CRADD: variants seen among roughly 807,000 people sequenced by gnomAD.
The protein encoded by CRADD is CARD and death domain containing adaptor protein, also known as death domain-containing protein CRADD.
In CRADD, 9 loss-of-function variants were observed where a neutral mutation model predicts 15.5. That is an observed-to-expected ratio of 0.58 (90% CI 0.35 to 1.01). The LOEUF (loss-of-function observed/expected upper bound fraction) is 1.01. CRADD is among the 50% of genes least tolerant of loss of function. The pLI, the probability that CRADD is intolerant of heterozygous loss-of-function variation, is 0.02. For missense variants in CRADD, 227 were observed against 250.3 expected, an observed-to-expected ratio of 0.91 and a Z score of 0.63; for synonymous variants, 118 against 107.6, an observed-to-expected ratio of 1.10 and a Z score of -0.60.
chr12:93,862,920 A>G (rs181114607), intron 2 of CRADD, among the ~76,000 whole-genome samples: 23 of 152,356 alleles, frequency 1.5e-4, no homozygotes, highest in Non-Finnish European at 2.5e-4. Context: ...TTAAAAAGGT[A>G]TGAACAGTAT....
intron 2 of CRADD, among the ~76,000 whole-genome samples, chr12:93,797,331 A>G (rs1030381654): frequency 6.6e-6 from 1 of 152,146 alleles, no homozygotes; most frequent in Non-Finnish European, 1.5e-5. Flanking sequence ...TGGTCTCCAG[A>G]CTTTTCTGTG....
At chr12:93,791,613 G>A (rs1957350313) in intron 2 of CRADD, among the ~76,000 whole-genome samples, 1 of 152,066 alleles carries the variant, frequency 6.6e-6, no homozygotes, top group Non-Finnish European at 1.5e-5. Context: ...GTACAGCATG[G>A]CAACTGTAGT....
rs1038483314 is a variant in CRADD at position 93,829,426 on chromosome 12, C to A, written c.299-20544C>A. Among the ~76,000 whole-genome samples the A allele has an allele frequency of 4.6e-5, 7 of 152,202 alleles. No individual in the cohort carries two copies. The East Asian group carries it at 9.7e-4, about 21-fold the overall frequency. ...AGCTCAGTGACTGGGCTTTCTCATG[C>A]GTGGTAGGAGAGTGGATGCTGGGGG... On this transcript the variant is annotated intron_variant, in intron 2 of 2. Coordinates refer to ENST00000332896, the MANE Select transcript of CRADD (RefSeq NM_003805.5).
intron 2 of CRADD, among the ~76,000 whole-genome samples, chr12:93,847,401 T>C (rs896907439): frequency 6.8e-6 from 1 of 147,848 alleles, no homozygotes; most frequent in Non-Finnish European, 1.5e-5. Flanking sequence ...TATAAAATTG[T>C]TCTCTAAATA....
At chr12:93,731,947 A>G (rs1956472355) in intron 2 of CRADD, among the ~76,000 whole-genome samples, 1 of 152,134 alleles carries the variant, frequency 6.6e-6, no homozygotes, top group Non-Finnish European at 1.5e-5. Context: ...GACCAGATTG[A>G]CCAACATGGA....
At chr12:93,779,024 G>A (rs866267499) in intron 2 of CRADD, among the ~76,000 whole-genome samples, 2 of 152,110 alleles carry the variant, frequency 1.3e-5, no homozygotes, top group Middle Eastern at 3.2e-3. Context: ...CCTGAACAAC[G>A]ATTATAGGTT....
Position 93,777,894 on chromosome 12 carries a change from C to T in CRADD, c.299-72076C>T, listed in dbSNP as rs1246988871. On this transcript the variant is annotated intron_variant, in intron 2 of 2. Coordinates refer to ENST00000332896, the MANE Select transcript of CRADD (RefSeq NM_003805.5). Reference sequence around the variant, plus strand: ...ATACATTAAATCAAACCATGACCTCCATACATTAAATCAAACCATGACCTC... The same window carrying T: ...ATACATTAAATCAAACCATGACCTCTATACATTAAATCAAACCATGACCTC... Among the ~76,000 whole-genome samples, 3 of 152,118 alleles carry T rather than the reference C, an allele frequency of 2.0e-5. No homozygotes were observed. The East Asian group carries it at 5.8e-4, about 29-fold the overall frequency.
At chr12:93,695,200 CA>C (rs1955673119) in intron 2 of CRADD, among the ~76,000 whole-genome samples, 1 of 152,226 alleles carries the variant, frequency 6.6e-6, no homozygotes, top group South Asian at 2.1e-4. Flanking sequence ...ACAAAGGTGC[CA>C]ATAAGACACA....
chr12:93,870,513 C>T (rs1565944874), intron 2 of CRADD, among the ~76,000 whole-genome samples: 1 of 152,176 alleles, frequency 6.6e-6, no homozygotes, highest in Non-Finnish European at 1.5e-5. Flanking sequence ...GTTGCAGGAG[C>T]TCTATTCCTG....
rs528396954 is a variant in CRADD, at chr12:93,748,730, G to A, written c.298+69658G>A. 1.9e-3 allele frequency among the ~76,000 whole-genome samples: 285 copies of A among 152,322 alleles called. 1 individual carries two copies. The highest frequency in any genetic ancestry group is 6.5e-3 in the African/African-American group (271 of 41,570). ...TGACTGAGGGATCCAGTCCCCCTTC[G>A]GGACCTGCTTTTGGCTTTGGTAAAT... On this transcript the variant is annotated intron_variant, in intron 2 of 2. Coordinates refer to ENST00000332896, the MANE Select transcript of CRADD (RefSeq NM_003805.5).
At chr12:93,738,495 G>A (rs1178897282) in intron 2 of CRADD, 7 of 701,708 alleles carry the variant, frequency 1.0e-5, no homozygotes, top group Non-Finnish European at 1.8e-5. Flanking sequence ...CCTTCACTGG[G>A]ACTGCAGCAA....
chr12:93,807,834 G>A (rs1485982262), intron 2 of CRADD, among the ~76,000 whole-genome samples: 1 of 152,054 alleles, frequency 6.6e-6, no homozygotes, highest in Non-Finnish European at 1.5e-5. Flanking sequence ...TGCCTGCTAT[G>A]TGCTAGGCAC....
intron 2 of CRADD, among the ~76,000 whole-genome samples, chr12:93,774,809 A>G (rs1404131732): frequency 1.3e-5 from 2 of 152,234 alleles, no homozygotes; most frequent in Middle Eastern, 6.3e-3. Flanking sequence ...ATGATGAGCA[A>G]GATGTTCACA....
At chr12:93,703,882 A>G (rs919048239) in intron 2 of CRADD, among the ~76,000 whole-genome samples, 1 of 151,294 alleles carries the variant, frequency 6.6e-6, no homozygotes, top group African/African-American at 2.4e-5. Context: ...ATCTGTTTTT[A>G]GTGTGTGTAG....
chr12:93,842,731 G>A (rs1481691139), intron 2 of CRADD, among the ~76,000 whole-genome samples: 1 of 151,116 alleles, frequency 6.6e-6, no homozygotes, highest in African/African-American at 2.4e-5. Context: ...TGGAGAAGGA[G>A]GGAGAATGCT....
At chr12:93,844,991 CA>C (rs1958096666) in intron 2 of CRADD, among the ~76,000 whole-genome samples, 1 of 152,034 alleles carries the variant, frequency 6.6e-6, no homozygotes, top group Non-Finnish European at 1.5e-5. Context: ...AAACAAAAAA[CA>C]AAAAACAAAA....
At position 93,824,678 on chromosome 12, in the gene CRADD, C is replaced by T. The variant is rs578188319; in HGVS notation, c.299-25292C>T. On this transcript the variant is annotated intron_variant, in intron 2 of 2. Coordinates refer to ENST00000332896, the MANE Select transcript of CRADD (RefSeq NM_003805.5). This position sits in a 1 kb window ranked among gnomAD's most constrained non-coding sequence, Gnocchi z 4.3. ...CTGAAGCTGAAACCTAGCCTTCTGC[C>T]GAGTGGTATTCCTGAAGCCAGTCAC... is the stretch of plus-strand genomic sequence containing the variant. 1.3e-5 allele frequency among the ~76,000 whole-genome samples: 2 copies of T among 152,212 alleles called. No individual in the cohort carries two copies. The highest frequency in any genetic ancestry group is 1.9e-4 in the East Asian group (1 of 5,182).
intron 2 of CRADD, among the ~76,000 whole-genome samples, chr12:93,805,901 A>G (rs76831614): frequency 0.072 from 10,953 of 152,154 alleles, 449 homozygotes; most frequent in East Asian, 0.15. Flanking sequence ...GAAATTACCC[A>G]GAGATGCTTG....
At chr12:93,793,669 T>G (rs139971546) in intron 2 of CRADD, among the ~76,000 whole-genome samples, 69 of 152,292 alleles carry the variant, frequency 4.5e-4, no homozygotes, top group African/African-American at 1.6e-3. Context: ...TGCTTCAAAA[T>G]AATCCTGTGG....
Sources: allele counts gnomAD v4.1 joint callset (sites outside exome capture counted in the v4.1 genomes callset), GRCh38; gene constraint gnomAD v4.1.1; non-coding constraint Gnocchi (gnomAD v3.1); transcripts MANE v1.5; gene names NCBI Gene and HGNC (gene_info 2026-07-23, HGNC 2026-07-21).